The following TOMM70 variants were observed in gnomAD, a reference collection of about 807,000 sequenced individuals.
The protein encoded by TOMM70 is translocase of outer mitochondrial membrane 70, also known as mitochondrial import receptor subunit TOM70.
Under a neutral mutation model 73.6 loss-of-function variants are expected in TOMM70, and 13 were observed. The observed-to-expected ratio is 0.18, with a 90% CI of 0.11 to 0.28. The LOEUF is 0.28. TOMM70 is among the 10% of genes least tolerant of loss of function. The probability of loss-of-function intolerance (pLI) is 1.00; values close to 1 mark genes in which losing one functional copy is unlikely to be tolerated. For synonymous variants in TOMM70, 257 were observed against 271.2 expected (o/e 0.95, Z 0.51); for missense variants, 609 against 747.5 (o/e 0.81, Z 2.16).
chr3:100,396,155 T>C (rs977502333), intron 1 of TOMM70, among the ~76,000 whole-genome samples: 2 of 152,110 alleles, frequency 1.3e-5, no homozygotes, highest in East Asian at 1.9e-4. Context: ...GGAATGTCAT[T>C]GGTGTCCCTG....
chr3:100,390,706 G>A (rs541878991), intron 1 of TOMM70, among the ~76,000 whole-genome samples: 6 of 152,216 alleles, frequency 3.9e-5, no homozygotes, highest in Admixed American at 3.3e-4. Flanking sequence ...GCGAGCGCCT[G>A]TAATCCCAGC....
intron 1 of TOMM70, among the ~76,000 whole-genome samples, chr3:100,395,558 A>AAAAAT (rs1553739190): frequency 1.3e-5 from 2 of 151,614 alleles, no homozygotes; most frequent in Non-Finnish European, 2.9e-5. Context: ...AAAAAAAAAA[A>AAAAAT]AGAGAAAGGA....
chr3:100,372,709 T>G lies in TOMM70; in HGVS notation c.1349A>C (p.Tyr450Ser). 1 of 1,613,810 alleles carries G rather than the reference T, an allele frequency of 6.2e-7. No homozygotes were observed. ...QKCFALYRQA[Y>S]TGNNSSQIQA... ...GATTTGTGAAGAGTTGTTTCCCGTA[T>G]ATGCCTGGCGGTACTATAAAAAATC... The change falls in exon 9 of 12, where the codon TAT (tyrosine) becomes TCT (serine). Residue 450 changes from tyrosine (Y) to serine (S), a missense_variant. By Grantham distance (144) the Tyr-to-Ser change is moderately radical. Around this residue, in one of 2 missense-constraint regions of TOMM70, gnomAD observed 432 missense variants for 584.1 expected, o/e 0.74. Transcript: ENST00000284320.
chr3:100,373,416 C>T, intron 8 of TOMM70, 122 bp downstream of exon 8: 2 of 700,972 alleles, frequency 2.9e-6, no homozygotes. Flanking sequence ...CTTTTTTCCT[C>T]AGTAGTTATC....
chr3:100,376,369 G>GTTTTTTTTTTTTTTTTTTTT lies in TOMM70; in HGVS notation c.1093-1218_1093-1217insAAAAAAAAAAAAAAAAAAAA, dbSNP rs141227349. On this transcript the variant is annotated intron_variant, in intron 6 of 11. Transcript: ENST00000284320. ...CTTGATGGTGTCTTTTCACACAGAA[G>GTTTTTTTTTTTTTTTTTTTT]TTTTTTTTTTTTTTTGAGACAGGAT... 1.9e-4 allele frequency among the ~76,000 whole-genome samples: 23 copies of GTTTTTTTTTTTTTTTTTTTT among 121,756 alleles called. 4 individuals are homozygous for GTTTTTTTTTTTTTTTTTTTT. Among genetic ancestry groups the GTTTTTTTTTTTTTTTTTTTT allele is most frequent in the African/African-American group, 7.0e-4 (19 of 27,050 alleles). The allele number at this position is 121,756 out of a possible 152,430, so 79.9% of individuals were successfully genotyped here. A position where few individuals can be genotyped will look rare whatever the true frequency, so the allele number is the denominator to read the frequency against.
chr3:100,375,911 T>C (rs1265291633), intron 6 of TOMM70, among the ~76,000 whole-genome samples: 1 of 152,194 alleles, frequency 6.6e-6, no homozygotes, highest in Non-Finnish European at 1.5e-5. Flanking sequence ...TACTAGATCA[T>C]ATGGTAAGTT....
At chr3:100,380,391 T>A (rs917069759) in intron 5 of TOMM70, among the ~76,000 whole-genome samples, 1 of 152,098 alleles carries the variant, frequency 6.6e-6, no homozygotes, top group East Asian at 1.9e-4. Context: ...TAAATCAGAT[T>A]AGAAGTAATC....
At chr3:100,380,592 C>T (rs1489175171) in intron 5 of TOMM70, among the ~76,000 whole-genome samples, 3 of 152,302 alleles carry the variant, frequency 2.0e-5, no homozygotes, top group African/African-American at 7.2e-5. Context: ...GTCCTACCAT[C>T]TCTCAGTAAA....
At chr3:100,365,931 T>C (rs537029612) in intron 11 of TOMM70, among the ~76,000 whole-genome samples, 2 of 152,348 alleles carry the variant, frequency 1.3e-5, no homozygotes, top group South Asian at 4.1e-4. Flanking sequence ...ACCTACCACA[T>C]TGAAAGCACT....
intron 1 of TOMM70, among the ~76,000 whole-genome samples, chr3:100,395,529 C>T (rs1367410931): frequency 3.0e-5 from 4 of 135,426 alleles, no homozygotes; most frequent in East Asian, 2.2e-4. Flanking sequence ...GGTGACAGAG[C>T]GCGACTCCAA....
chr3:100,372,610 G>A lies in TOMM70; in HGVS notation c.1448C>T (p.Ala483Val). Residue 483 changes from alanine (A) to valine (V), a missense_variant, in exon 9 of 12, where the codon GCC becomes GTC. Transcript: ENST00000284320. ...PRCAEGYALY[A>V]QALTDQQQFG... Reference sequence around the variant, plus strand: ...AAAACCTGAAAAAACATTTACCTGGGCGTATAGTGCATAGCCTTCGGCACA... The same window carrying A: ...AAAACCTGAAAAAACATTTACCTGGACGTATAGTGCATAGCCTTCGGCACA... 1.2e-6 allele frequency: 2 copies of A among 1,608,318 alleles called. No individual in the cohort carries two copies. Among genetic ancestry groups the A allele is most frequent in the Non-Finnish European group, 1.7e-6 (2 of 1,177,252 alleles).
At chr3:100,375,202 A>C in intron 6 of TOMM70, 50 bp from the exon 7 acceptor site, 3 of 1,483,280 alleles carry the variant, frequency 2.0e-6, no homozygotes, top group Non-Finnish European at 2.7e-6. Context: ...TTTTCCCTCC[A>C]ATCTAGTTTC....
chr3:100,367,919 C>T, intron 11 of TOMM70, 125 bp downstream of exon 11: 5 of 1,037,108 alleles, frequency 4.8e-6, no homozygotes, highest in Non-Finnish European at 3.9e-6. Context: ...ATTTTTTTTT[C>T]CAACGTGAAT....
chr3:100,392,886 TA>T (rs1706779603), intron 1 of TOMM70, among the ~76,000 whole-genome samples: 1 of 151,944 alleles, frequency 6.6e-6, no homozygotes, highest in African/African-American at 2.4e-5. Context: ...ATTGCAAAGA[TA>T]TGGAACTGGC....
In TOMM70 at chr3:100,365,386, ACTTC is replaced by A. The variant is rs1477780270; in HGVS notation, c.*174_*177del. 5 of 827,448 alleles carry A rather than the reference ACTTC, an allele frequency of 6.0e-6. No homozygotes were observed. Among genetic ancestry groups the A allele is most frequent in the African/African-American group, 3.4e-5 (2 of 58,530 alleles). The allele number at this position is 827,448 out of a possible 1,614,324, so 51.3% of individuals were successfully genotyped here. A position where few individuals can be genotyped will look rare whatever the true frequency, so the allele number is the denominator to read the frequency against. Reference sequence around the variant, plus strand: ...GGGAATAAAAGCTGCAAGACTGCAAACTTCCTTCAACAGCCACACCCACAACACC... The same window carrying A: ...GGGAATAAAAGCTGCAAGACTGCAAACTTCAACAGCCACACCCACAACACC... On this transcript the variant is annotated 3_prime_UTR_variant, in exon 12 of 12. Coordinates refer to ENST00000284320, the MANE Select transcript of TOMM70 (RefSeq NM_014820.5).
intron 9 of TOMM70, chr3:100,371,944 A>T (rs1706514619): frequency 6.6e-6 from 1 of 152,232 alleles, no homozygotes; most frequent in South Asian, 2.1e-4. Flanking sequence ...GATATAGAGT[A>T]TTGAGATGGC....
In TOMM70 at chr3:100,386,243, T is replaced by C. The variant is rs779265807; in HGVS notation, c.600A>G (p.Leu200=). The change falls in exon 3 of 12, where the codon CTA becomes CTG. Residue 200 remains leucine, a synonymous_variant. Coordinates refer to ENST00000284320, the MANE Select transcript of TOMM70 (RefSeq NM_014820.5). ...CTTCTAAACATTCCTTCTTATTGTC[T>C]AGCTTCTCATGGGCTTTTGCACGTC... ...LFRRAKAHEK[L]DNKKECLEDV... The C allele has an allele frequency of 6.2e-7, 1 of 1,612,538 alleles. No homozygotes were observed. Among genetic ancestry groups the C allele is most frequent in the South Asian group, 1.1e-5 (1 of 90,862 alleles).
At chr3:100,371,673 A>C (rs572649966) in intron 9 of TOMM70, among the ~76,000 whole-genome samples, 1 of 152,336 alleles carries the variant, frequency 6.6e-6, no homozygotes, top group Non-Finnish European at 1.5e-5. Context: ...AATTACATAG[A>C]GCAGCAGTCC....
rs150019765 is a variant in TOMM70 at position 100,381,756 on chromosome 3, T to G, written c.743A>C (p.Glu248Ala). ...EKAKEKYKNR[E>A]PLMPSPQFIK... Reference sequence around the variant, plus strand: ...AAACTGTGGAGATGGCATCAGAGGTTCACGATTCTGAAATTTAGTCATGTT... The same window carrying G: ...AAACTGTGGAGATGGCATCAGAGGTGCACGATTCTGAAATTTAGTCATGTT... The change falls in exon 5 of 12, where the codon GAA becomes GCA. Residue 248 changes from glutamate (E) to alanine (A), a missense_variant. Around this residue, in one of 2 missense-constraint regions of TOMM70, gnomAD observed 432 missense variants for 584.1 expected, o/e 0.74. Coordinates refer to ENST00000284320, the MANE Select transcript of TOMM70 (RefSeq NM_014820.5). The G allele has an allele frequency of 1.9e-6, 3 of 1,597,004 alleles. No individual in the cohort carries two copies. In the African/African-American group the frequency reaches 4.0e-5, roughly 21 times the overall value.
Sources: gnomAD v4.1 joint callset for allele counts (sites outside exome capture counted in the v4.1 genomes callset) on GRCh38, gnomAD v4.1.1 for gene constraint, gnomAD v4.1.1 regional missense constraint, MANE v1.5 for transcripts, NCBI Gene and HGNC (gene_info 2026-07-23, HGNC 2026-07-21) for gene names.